Variants in CCDC192 observed in about 807,000 individuals in gnomAD.
CCDC192 encodes coiled-coil domain containing 192.
At chr5:127,865,098 G>A (rs1452152686) in intron 5 of CCDC192, among the ~76,000 whole-genome samples, 2 of 152,134 alleles carry the variant, frequency 1.3e-5, no homozygotes. Flanking sequence ...AGTGACCGGA[G>A]ATCACGACAC....
chr5:127,758,907 A>C (rs1050062794), intron 3 of CCDC192, among the ~76,000 whole-genome samples: 6 of 152,216 alleles, frequency 3.9e-5, no homozygotes, highest in African/African-American at 1.4e-4. Flanking sequence ...TGCTGAGACA[A>C]AAGATAGTGT....
chr5:127,750,871 G>C (rs1189289215), intron 2 of CCDC192, among the ~76,000 whole-genome samples: 2 of 151,098 alleles, frequency 1.3e-5, no homozygotes, highest in Non-Finnish European at 3.0e-5. Context: ...TTATGTAATG[G>C]CCTTCTTTGT....
At position 127,941,206 on chromosome 5, in the gene CCDC192, G is replaced by A. The variant is rs1486692520; in HGVS notation, c.560G>A (p.Cys187Tyr). The stretch of plus-strand genomic sequence containing the variant: ...GAAGACAGCTTGCTGGAAGGGTTCT[G>A]TGGAGGTCTCCCACCTGTGGAAGAA... ...PREDSLLEGF[C>Y]GGLPPVEEGD... Residue 187 changes from cysteine to tyrosine, a missense_variant, in exon 7 of 7, where the codon TGT (cysteine) becomes TAT (tyrosine). By Grantham distance (194) the Cys-to-Tyr change is radical. Transcript: ENST00000514853. 5.0e-6 allele frequency: 2 copies of A among 398,972 alleles called. No homozygotes were observed. The highest frequency in any genetic ancestry group is 8.8e-6 in the Non-Finnish European group (2 of 226,080). The allele number at this position is 398,972 out of a possible 1,614,324, so 24.7% of individuals were successfully genotyped here.
chr5:127,812,696 T>A (rs1202750121), intron 5 of CCDC192, among the ~76,000 whole-genome samples: 3 of 152,208 alleles, frequency 2.0e-5, no homozygotes, highest in Admixed American at 2.0e-4. Flanking sequence ...GTTTTGTTTC[T>A]GCCAAAGGAG....
intron 3 of CCDC192, chr5:127,784,772 A>G (rs765327882): frequency 4.0e-5 from 20 of 498,492 alleles, no homozygotes; most frequent in Non-Finnish European, 6.3e-5. Context: ...GTGTTTCAAA[A>G]CCTTCCTCAT....
intron 2 of CCDC192, among the ~76,000 whole-genome samples, chr5:127,718,858 G>C (rs943294214): frequency 6.6e-6 from 1 of 151,758 alleles, no homozygotes; most frequent in African/African-American, 2.4e-5. Flanking sequence ...AGGATAAATG[G>C]GTACCCATCA....
At chr5:127,782,757 C>G (rs945688950) in intron 3 of CCDC192, among the ~76,000 whole-genome samples, 1 of 151,972 alleles carries the variant, frequency 6.6e-6, no homozygotes, top group Non-Finnish European at 1.5e-5. Flanking sequence ...TTTCAAAGAA[C>G]CAGCTTTTGG....
chr5:127,765,997 G>T (rs767172472), intron 3 of CCDC192, among the ~76,000 whole-genome samples: 1 of 152,168 alleles, frequency 6.6e-6, no homozygotes, highest in African/African-American at 2.4e-5. Context: ...ACTGCCTGTT[G>T]TCAGCTTCTT....
In CCDC192 at chr5:127,889,373, C is replaced by CT. The variant is rs200517620; in HGVS notation, c.535+13721dup. 4.3e-4 allele frequency among the ~76,000 whole-genome samples: 64 copies of CT among 149,128 alleles called. 1 individual carries two copies. In the East Asian group the frequency reaches 4.5e-3, roughly 11 times the overall value. ...AATGACTGATTTCTCATGCATATTTCTTTTTTTTTCCTTTTCTTTTCTTTT... is the reference window on the plus strand; with the variant it reads ...AATGACTGATTTCTCATGCATATTTCTTTTTTTTTTCCTTTTCTTTTCTTTT... On this transcript the variant is annotated intron_variant, in intron 6 of 6. Transcript: ENST00000514853.
intron 5 of CCDC192, among the ~76,000 whole-genome samples, chr5:127,855,869 A>T (rs1751064018): frequency 6.6e-6 from 1 of 152,232 alleles, no homozygotes; most frequent in Admixed American, 6.5e-5. Context: ...TTCCTAAAAT[A>T]TCAAGTAAAG....
chr5:127,742,586 G>A (rs1753484895), intron 2 of CCDC192, among the ~76,000 whole-genome samples: 1 of 152,136 alleles, frequency 6.6e-6, no homozygotes, highest in East Asian at 1.9e-4. Context: ...CATTTAGATA[G>A]GAGGTCTCTA....
chr5:127,941,310 G>T lies in CCDC192; in HGVS notation c.664G>T (p.Glu222Ter), dbSNP rs1322084409. ...GACTGAGAGAATTACTCAGCTGAAAGAAGTTTTGGAGGAAAAGGAAAGGAA... is the reference window on the plus strand; with the variant it reads ...GACTGAGAGAATTACTCAGCTGAAATAAGTTTTGGAGGAAAAGGAAAGGAA... ...LQTERITQLK[E>*]VLEEKERKIQ... The change falls in exon 7 of 7, where the codon GAA becomes TAA. Residue 222 changes from glutamate (E) to a stop codon, truncating the protein, a stop_gained. Coordinates refer to ENST00000514853, the MANE Select transcript of CCDC192 (RefSeq NM_001317938.2). LOFTEE classifies it low-confidence loss of function (END_TRUNC). 1 of 398,964 alleles carries T rather than the reference G, an allele frequency of 2.5e-6. No homozygotes were observed. The highest frequency in any genetic ancestry group is 4.4e-5 in the Admixed American group (1 of 22,722). The allele number at this position is 398,964 out of a possible 1,614,324, so 24.7% of individuals were successfully genotyped here.
Position 127,790,111 on chromosome 5 carries a change from C to T in CCDC192, c.223-6992C>T, listed in dbSNP as rs543472465. Among the ~76,000 whole-genome samples the T allele has an allele frequency of 3.9e-5, 6 of 152,306 alleles. No individual in the cohort carries two copies. The South Asian group carries it at 1.2e-3, about 32-fold the overall frequency. On this transcript the variant is annotated intron_variant, in intron 3 of 6. Transcript: ENST00000514853. ...AAGCTGTGGGGGTGACATTTCCACT[C>T]CAGTGGTCCTGGAGGGCAGAGTATC...
chr5:127,763,237 A>C (rs1755026771), intron 3 of CCDC192, among the ~76,000 whole-genome samples: 1 of 152,138 alleles, frequency 6.6e-6, no homozygotes, highest in African/African-American at 2.4e-5. Flanking sequence ...AATTCAACTT[A>C]CCTGCTTCTT....
chr5:127,748,005 T>TC (rs1753883970), intron 2 of CCDC192, among the ~76,000 whole-genome samples: 2 of 147,284 alleles, frequency 1.4e-5, no homozygotes, highest in South Asian at 4.5e-4. Flanking sequence ...TTCTGGATAT[T>TC]AGCCCTTTGT....
At chr5:127,892,520 A>G (rs1261978593) in intron 6 of CCDC192, among the ~76,000 whole-genome samples, 1 of 152,202 alleles carries the variant, frequency 6.6e-6, no homozygotes, top group East Asian at 1.9e-4. Flanking sequence ...AACTCAAAAT[A>G]TGTTTCCATT....
At chr5:127,767,941 C>T (rs1314749656) in intron 3 of CCDC192, among the ~76,000 whole-genome samples, 1 of 152,070 alleles carries the variant, frequency 6.6e-6, no homozygotes, top group Admixed American at 6.5e-5. Flanking sequence ...TTAAAAGGGT[C>T]ATTGCACATG....
chr5:127,805,987 T>A (rs186582677), intron 5 of CCDC192, among the ~76,000 whole-genome samples: 1 of 152,214 alleles, frequency 6.6e-6, no homozygotes, highest in African/African-American at 2.4e-5. Context: ...CTGAGCTCTC[T>A]TCACATCAGC....
At chr5:127,734,554 G>C (rs1348865792) in intron 2 of CCDC192, among the ~76,000 whole-genome samples, 9 of 144,502 alleles carry the variant, frequency 6.2e-5, no homozygotes, top group African/African-American at 2.4e-4. Context: ...CAGTGTAAAA[G>C]TGTTCCTATT....
Sources: gnomAD v4.1 joint callset for allele counts (sites outside exome capture counted in the v4.1 genomes callset) on GRCh38, gnomAD v4.1.1 for gene constraint, MANE v1.5 for transcripts, NCBI Gene and HGNC (gene_info 2026-07-23, HGNC 2026-07-21) for gene names.